JARID2: variants seen among roughly 807,000 people sequenced by gnomAD.
JARID2 encodes protein Jumonji.
Under a neutral mutation model 125.6 loss-of-function variants are expected in JARID2, and 21 were observed. The ratio of observed to expected loss-of-function variants is 0.17; its 90% CI spans 0.12 to 0.24. JARID2 has a LOEUF of 0.24. Among genes scored for constraint, JARID2 ranks in the 10% least tolerant of loss-of-function variants. JARID2 has a pLI of 1.00. For missense variants in JARID2, 1,303 were observed against 1,639.6 expected, an observed-to-expected ratio of 0.79 and a Z score of 3.55; for synonymous variants, 736 against 661.6, an observed-to-expected ratio of 1.11 and a Z score of -1.73.
chr6:15,412,856 C>G (rs1362198918), intron 3 of JARID2, among the ~76,000 whole-genome samples: 2 of 152,006 alleles, frequency 1.3e-5, no homozygotes, highest in African/African-American at 4.8e-5. Flanking sequence ...ATGGAATGTG[C>G]TGACTCTGAA....
intron 5 of JARID2, among the ~76,000 whole-genome samples, chr6:15,481,405 TTCTG>T (rs1213404007): frequency 6.6e-5 from 10 of 152,326 alleles, no homozygotes; most frequent in East Asian, 3.9e-4. Flanking sequence ...ACATTGAACT[TTCTG>T]TCTTTCTCTC....
intron 2 of JARID2, among the ~76,000 whole-genome samples, chr6:15,388,908 C>G (rs1206259387): frequency 6.6e-6 from 1 of 152,072 alleles, no homozygotes; most frequent in African/African-American, 2.4e-5. Context: ...CTGCCCTGCC[C>G]TTGTCATCTG....
At position 15,270,189 on chromosome 6, in the gene JARID2, A is replaced by G. The variant is rs145815445; in HGVS notation, c.45+23605A>G. Among the ~76,000 whole-genome samples, 851 of 152,186 alleles carry G rather than the reference A, an allele frequency of 5.6e-3. 10 individuals are homozygous for G. The highest frequency in any genetic ancestry group is 0.02 in the African/African-American group (813 of 41,504). On this transcript the variant is annotated intron_variant, in intron 1 of 17. Coordinates refer to ENST00000341776, the MANE Select transcript of JARID2 (RefSeq NM_004973.4). ...CTCATGTTGCCCAGGCTGGAGAGCA[A>G]TGGTGTGATCTTGGCTCACTGCAGC... is the stretch of plus-strand genomic sequence containing the variant.
chr6:15,267,422 A>G (rs1028220731), intron 1 of JARID2, among the ~76,000 whole-genome samples: 1 of 152,210 alleles, frequency 6.6e-6, no homozygotes, highest in Admixed American at 6.5e-5. Context: ...GGTTATAAAC[A>G]GCAGTAGGTG....
chr6:15,390,290 C>G (rs922190234), intron 2 of JARID2, among the ~76,000 whole-genome samples: 2 of 152,150 alleles, frequency 1.3e-5, no homozygotes, highest in African/African-American at 4.8e-5. Flanking sequence ...CCACTTCTGC[C>G]TAGTCCCCAG....
At chr6:15,335,237 TTACAGGCATGTGCCAC>T (rs1324718526) in intron 1 of JARID2, among the ~76,000 whole-genome samples, 3 of 152,180 alleles carry the variant, frequency 2.0e-5, no homozygotes, top group Non-Finnish European at 4.4e-5. Flanking sequence ...GTAGCTGGGA[TTACAGGCATGTGCCAC>T]TATGCCCGGC....
chr6:15,484,363 C>T (rs187358666), intron 5 of JARID2, among the ~76,000 whole-genome samples: 1 of 152,290 alleles, frequency 6.6e-6, no homozygotes, highest in East Asian at 1.9e-4. Context: ...TCAGTGTGGA[C>T]AAATTAATGA....
chr6:15,501,663 A>G (rs1348249020), intron 8 of JARID2, among the ~76,000 whole-genome samples: 1 of 152,128 alleles, frequency 6.6e-6, no homozygotes, highest in Non-Finnish European at 1.5e-5. Context: ...ATATCGAGGA[A>G]CCTAGTGAGG....
intron 1 of JARID2, among the ~76,000 whole-genome samples, chr6:15,283,855 GC>G (rs1227128184): frequency 5.9e-5 from 9 of 151,302 alleles, no homozygotes; most frequent in African/African-American, 1.9e-4. Flanking sequence ...ACAGGCGCCT[GC>G]CACCATGCCC....
intron 16 of JARID2, 91 bp downstream of exon 16, chr6:15,513,513 G>T (rs9396589): frequency 0.28 from 345,463 of 1,255,406 alleles, 50,554 homozygotes; most frequent in East Asian, 0.47. Flanking sequence ...GGCGCTCTCT[G>T]CCCAGGAGAC....
chr6:15,254,058 T>C (rs982209261), intron 1 of JARID2, among the ~76,000 whole-genome samples: 2 of 152,118 alleles, frequency 1.3e-5, no homozygotes, highest in African/African-American at 4.8e-5. Flanking sequence ...CTTGGGAAAG[T>C]TGGAAGGGAG....
intron 3 of JARID2, among the ~76,000 whole-genome samples, chr6:15,422,401 C>T (rs967348618): frequency 6.6e-6 from 1 of 152,174 alleles, no homozygotes; most frequent in African/African-American, 2.4e-5. Context: ...TGTGCCTTCA[C>T]CTTGATCAGC....
chr6:15,438,389 G>T (rs1767303387), intron 3 of JARID2, among the ~76,000 whole-genome samples: 1 of 152,208 alleles, frequency 6.6e-6, no homozygotes, highest in African/African-American at 2.4e-5. Context: ...CATTTGCCCA[G>T]TTGGCTGGCA....
At chr6:15,421,039 T>C (rs569419489) in intron 3 of JARID2, among the ~76,000 whole-genome samples, 3 of 152,344 alleles carry the variant, frequency 2.0e-5, no homozygotes, top group Non-Finnish European at 4.4e-5. Flanking sequence ...GTTGTCTGTG[T>C]GGCTCTGGCC....
intron 2 of JARID2, among the ~76,000 whole-genome samples, chr6:15,401,503 T>C (rs2127555938): frequency 6.6e-6 from 1 of 152,292 alleles, no homozygotes; most frequent in East Asian, 1.9e-4. Flanking sequence ...ATCCTCACCA[T>C]AGCTCTGGTT....
intron 2 of JARID2, among the ~76,000 whole-genome samples, chr6:15,394,512 T>C (rs1331994483): frequency 1.3e-5 from 2 of 152,056 alleles, no homozygotes; most frequent in South Asian, 2.1e-4. Flanking sequence ...GGTGGGAGGA[T>C]TGGTTGAGCC....
intron 1 of JARID2, among the ~76,000 whole-genome samples, chr6:15,266,370 C>T (rs1000399): frequency 0.15 from 22,301 of 152,172 alleles, 2,327 homozygotes; most frequent in African/African-American, 0.3. Flanking sequence ...AACGTCTTCC[C>T]AAATTCCTTC....
intron 9 of JARID2, among the ~76,000 whole-genome samples, chr6:15,506,711 C>T (rs1045897370): frequency 2.6e-5 from 4 of 152,164 alleles, no homozygotes; most frequent in Non-Finnish European, 5.9e-5. Context: ...AAAGTCACTT[C>T]GGAAGCTTTA....
chr6:15,413,020 T>G (rs1056185351), intron 3 of JARID2, among the ~76,000 whole-genome samples: 1 of 80,226 alleles, frequency 1.2e-5, no homozygotes, highest in East Asian at 2.8e-4. Context: ...TTTTTTTTTT[T>G]TTGTTTTTTT....
Sources: gnomAD v4.1 joint callset for allele counts (sites outside exome capture counted in the v4.1 genomes callset) on GRCh38, gnomAD v4.1.1 for gene constraint, MANE v1.5 for transcripts, NCBI Gene and HGNC (gene_info 2026-07-23, HGNC 2026-07-21) for gene names.